CRYBG1: variants seen among roughly 807,000 people sequenced by gnomAD.
The protein encoded by CRYBG1 is beta/gamma crystallin domain-containing protein 1.
Under a neutral mutation model 189.2 loss-of-function variants are expected in CRYBG1, and 139 were observed. The observed-to-expected ratio is 0.73, with a 90% CI of 0.64 to 0.85. The LOEUF (loss-of-function observed/expected upper bound fraction) is 0.85, where lower values mean the gene tolerates loss of function less well. CRYBG1 is among the 40% of genes least tolerant of loss of function. The pLI, the probability that CRYBG1 is intolerant of heterozygous loss-of-function variation, is 0.00. For missense variants in CRYBG1, 2,611 were observed against 2,675.8 expected, an observed-to-expected ratio of 0.98 and a Z score of 0.53; for synonymous variants, 1,023 against 1,017.1, an observed-to-expected ratio of 1.01 and a Z score of -0.11.
At chr6:106,361,120 C>T (rs1771859653) in intron 1 of CRYBG1, 39 bp downstream of exon 1, 2 of 1,521,296 alleles carry the variant, frequency 1.3e-6, no homozygotes, top group South Asian at 2.4e-5. Context: ...CCACCTCCTC[C>T]TCCTCCTCCT....
chr6:106,393,375 G>A (rs918302387), intron 1 of CRYBG1, among the ~76,000 whole-genome samples: 3 of 151,628 alleles, frequency 2.0e-5, no homozygotes, highest in African/African-American at 4.9e-5. Context: ...CCTCACCATC[G>A]TTAAAGGGTT....
At chr6:106,464,492 CAAA>C (rs5878893) in intron 2 of CRYBG1, among the ~76,000 whole-genome samples, 1 of 138,770 alleles carries the variant, frequency 7.2e-6, no homozygotes, top group African/African-American at 2.7e-5. Flanking sequence ...GACTTTGTCT[CAAA>C]AAAAAAAAAA....
chr6:106,563,375 G>A (rs1774781935), intron 20 of CRYBG1, among the ~76,000 whole-genome samples: 1 of 152,136 alleles, frequency 6.6e-6, no homozygotes, highest in Admixed American at 6.5e-5. Context: ...TCATATACTG[G>A]AAGGTCAGGC....
At chr6:106,560,136 A>AT (rs1191520498) in intron 18 of CRYBG1, among the ~76,000 whole-genome samples, 1 of 152,114 alleles carries the variant, frequency 6.6e-6, no homozygotes, top group Admixed American at 6.5e-5. Flanking sequence ...ATTATGGGTG[A>AT]TTTTTTTGCA....
At chr6:106,394,917 A>G (rs1473871568) in intron 1 of CRYBG1, among the ~76,000 whole-genome samples, 3 of 148,640 alleles carry the variant, frequency 2.0e-5, no homozygotes, top group African/African-American at 7.4e-5. Context: ...GTACAGTGGT[A>G]TAATCTCAGC....
chr6:106,446,810 C>A (rs1360358905), intron 1 of CRYBG1, among the ~76,000 whole-genome samples: 3 of 152,212 alleles, frequency 2.0e-5, no homozygotes, highest in Admixed American at 6.5e-5. Context: ...TCTCACAATT[C>A]TGGGATTTGT....
At chr6:106,392,809 A>G (rs1029474234) in intron 1 of CRYBG1, among the ~76,000 whole-genome samples, 1 of 152,084 alleles carries the variant, frequency 6.6e-6, no homozygotes, top group African/African-American at 2.4e-5. Context: ...TGTATTGCAC[A>G]GGCTGGAGTG....
At chr6:106,385,768 A>G (rs1012184917) in intron 1 of CRYBG1, among the ~76,000 whole-genome samples, 3 of 152,216 alleles carry the variant, frequency 2.0e-5, no homozygotes, top group Non-Finnish European at 4.4e-5. Flanking sequence ...TAGCCCAAAG[A>G]GGAACACATG....
Position 106,555,447 on chromosome 6 carries a change from C to T in CRYBG1, c.5586-321C>T, listed in dbSNP as rs538102103. 2.6e-5 allele frequency among the ~76,000 whole-genome samples: 4 copies of T among 152,204 alleles called. No individual in the cohort carries two copies. The Middle Eastern group carries it at 0.014, about 518-fold the overall frequency. On this transcript the variant is annotated intron_variant, in intron 16 of 21. Transcript: ENST00000633556. Reference sequence around the variant, plus strand: ...TTGAAGAAGGATTATTCAAAAAGGACTTGAGGGCTTGAAGCTCCACTGGCT... The same window carrying T: ...TTGAAGAAGGATTATTCAAAAAGGATTTGAGGGCTTGAAGCTCCACTGGCT...
chr6:106,422,523 G>A (rs1271127328), intron 1 of CRYBG1, among the ~76,000 whole-genome samples: 2 of 151,762 alleles, frequency 1.3e-5, no homozygotes, highest in African/African-American at 2.4e-5. Context: ...TTTAGAGAGC[G>A]TGTTTCACCA....
intron 2 of CRYBG1, among the ~76,000 whole-genome samples, chr6:106,501,926 AG>A (rs1271143033): frequency 2.0e-5 from 3 of 152,216 alleles, no homozygotes; most frequent in Non-Finnish European, 4.4e-5. Flanking sequence ...TGAAGTTATG[AG>A]GTCTCAAGGT....
rs766995296 is a variant in CRYBG1, at chr6:106,525,241, T to C, written c.4294-27T>C. 6 of 1,613,476 alleles carry C rather than the reference T, an allele frequency of 3.7e-6. No homozygotes were observed. The South Asian group carries it at 6.6e-5, about 18-fold the overall frequency. ...TTTGGTCTGACAGAGTACAACAAAG[T>C]GTGCTACCACTTTCGTTTTCTTGCA... On this transcript the variant is annotated intron_variant, in intron 5 of 21. Coordinates refer to ENST00000633556, the MANE Select transcript of CRYBG1 (RefSeq NM_001371242.2).
rs773073604 is a variant in CRYBG1, at chr6:106,512,212, C to T, written c.1095C>T (p.Arg365=). 7.8e-6 allele frequency: 12 copies of T among 1,536,302 alleles called. No homozygotes were observed. The Admixed American group carries it at 9.8e-5, about 13-fold the overall frequency. The change falls in exon 3 of 22, where the codon CGC becomes CGT. Residue 365 remains arginine, a synonymous_variant. Transcript: ENST00000633556. ...ASSAQADCTA[R]PKGHAHPAKV... ...CCGCGCAGGCAGACTGCACAGCCCG[C>T]CCCAAGGGTCACGCCCACCCTGCTA... is the stretch of plus-strand genomic sequence containing the variant.
At position 106,568,456 on chromosome 6, in the gene CRYBG1, T is replaced by C. The variant is rs764420801; in HGVS notation, c.6302-16T>C. 3 of 1,593,458 alleles carry C rather than the reference T, an allele frequency of 1.9e-6. No individual in the cohort carries two copies. The highest frequency in any genetic ancestry group is 1.3e-5 in the African/African-American group (1 of 74,604). ...CCATGGGTACATTCATCTTTTATTA[T>C]TTTCCTTTCTTTTAGGGGGCACACA... On this transcript the variant is annotated splice_polypyrimidine_tract_variant and intron_variant, in intron 21 of 21. Coordinates refer to ENST00000633556, the MANE Select transcript of CRYBG1 (RefSeq NM_001371242.2).
intron 20 of CRYBG1, among the ~76,000 whole-genome samples, chr6:106,561,748 ATAG>A (rs1344994288): frequency 6.6e-6 from 1 of 152,192 alleles, no homozygotes; most frequent in East Asian, 1.9e-4. Flanking sequence ...TGATTTTTAT[ATAG>A]TAGTAGAAAA....
intron 2 of CRYBG1, among the ~76,000 whole-genome samples, chr6:106,489,287 A>G (rs1220094901): frequency 2.0e-5 from 3 of 151,962 alleles, no homozygotes; most frequent in Admixed American, 6.6e-5. Context: ...ATAGCCGTTT[A>G]TTCATTGTTT....
rs1053242288 is a variant in CRYBG1, at chr6:106,560,891, T to G, written c.5944T>G (p.Cys1982Gly). The change falls in exon 19 of 22, where the codon TGT becomes GGT. Residue 1982 changes from cysteine (C) to glycine (G), a missense_variant. By Grantham distance (159) the Cys-to-Gly change is radical. Around this residue, in one of 3 missense-constraint regions of CRYBG1, gnomAD observed 1,622 missense variants for 1,735.0 expected, o/e 0.93. Transcript: ENST00000633556. ...EVPNWYEFSG[C>G]RQIGSLRPFV... ...ACCTAATTGGTATGAATTCAGTGGC[T>G]GTCGCCAAATAGGTTCTCTACGACC... 1 of 1,612,810 alleles carries G rather than the reference T, an allele frequency of 6.2e-7. No individual in the cohort carries two copies. The highest frequency in any genetic ancestry group is 8.5e-7 in the Non-Finnish European group (1 of 1,179,438).
At chr6:106,450,865 A>G (rs559111883) in intron 1 of CRYBG1, among the ~76,000 whole-genome samples, 16 of 152,328 alleles carry the variant, frequency 1.1e-4, no homozygotes, top group African/African-American at 3.8e-4. Flanking sequence ...CCAGAGAAGC[A>G]GGGCAAAGTA....
chr6:106,496,726 G>A (rs886970129), intron 2 of CRYBG1, among the ~76,000 whole-genome samples: 1 of 152,176 alleles, frequency 6.6e-6, no homozygotes, highest in Non-Finnish European at 1.5e-5. Context: ...TTTTGGCCAG[G>A]CTGATCATTT....
Sources: allele counts gnomAD v4.1 joint callset (sites outside exome capture counted in the v4.1 genomes callset), GRCh38; gene constraint gnomAD v4.1.1; regional missense constraint gnomAD v4.1.1; transcripts MANE v1.5; gene names NCBI Gene and HGNC (gene_info 2026-07-23, HGNC 2026-07-21).